The following RMDN2 variants were observed in gnomAD, a reference collection of about 807,000 sequenced individuals.
RMDN2 encodes the protein regulator of microtubule dynamics protein 2.
Under a neutral mutation model 52.8 loss-of-function variants are expected in RMDN2, and 61 were observed. The observed-to-expected ratio is 1.16, with a 90% CI of 0.94 to 1.43. The LOEUF (loss-of-function observed/expected upper bound fraction) is 1.43, where lower values mean the gene tolerates loss of function less well. Ranked by LOEUF, RMDN2 falls within the 40% of genes most tolerant of loss-of-function variation. RMDN2 has a pLI of 0.00. For missense variants in RMDN2, 592 were observed against 475.3 expected, an observed-to-expected ratio of 1.25 and a Z score of -2.28; for synonymous variants, 180 against 153.1, an observed-to-expected ratio of 1.18 and a Z score of -1.30.
At chr2:38,042,512 T>C (rs560880630) in intron 10 of RMDN2, among the ~76,000 whole-genome samples, 4 of 152,090 alleles carry the variant, frequency 2.6e-5, no homozygotes, top group East Asian at 1.9e-4. Context: ...GCAGTTTTGG[T>C]TTCTACTCTA....
intron 10 of RMDN2, among the ~76,000 whole-genome samples, chr2:38,062,768 TTC>T: frequency 1.2e-5 from 1 of 84,828 alleles, no homozygotes; most frequent in Admixed American, 1.2e-4. Context: ...CCCTCCCCCC[TTC>T]CCCCCCCCCA....
At chr2:38,003,600 A>ATAGATAGG (rs1311628817) in intron 8 of RMDN2, among the ~76,000 whole-genome samples, 3 of 150,750 alleles carry the variant, frequency 2.0e-5, no homozygotes, top group African/African-American at 7.3e-5. Flanking sequence ...AGATAGATAG[A>ATAGATAGG]TAGGCAGACA....
chr2:38,009,138 T>C (rs555126135), intron 10 of RMDN2, among the ~76,000 whole-genome samples: 19 of 152,368 alleles, frequency 1.2e-4, no homozygotes, highest in African/African-American at 4.6e-4. Context: ...GCCCTTAACA[T>C]TTTTTCCTTC....
At chr2:38,016,252 T>C (rs1678767208) in intron 10 of RMDN2, among the ~76,000 whole-genome samples, 1 of 152,232 alleles carries the variant, frequency 6.6e-6, no homozygotes, top group African/African-American at 2.4e-5. Context: ...CAGCCTGTTA[T>C]GTCCTCAGTA....
rs150027390 is a variant in RMDN2 at position 38,001,742 on chromosome 2, G to T, written c.1045-2249G>T. On this transcript the variant is annotated intron_variant, in intron 8 of 10. Transcript: ENST00000354545. The stretch of plus-strand genomic sequence containing the variant: ...GTTCAGTCTTAAGTCCCTCTTATTA[G>T]AATGGCTCAAGAAATGCACTTACCA... Among the ~76,000 whole-genome samples the T allele has an allele frequency of 4.3e-3, 655 of 152,302 alleles. 15 individuals carry two copies. Among genetic ancestry groups the T allele is most frequent in the African/African-American group, 0.015 (626 of 41,560 alleles).
intron 10 of RMDN2, among the ~76,000 whole-genome samples, chr2:38,044,904 A>G (rs542834420): frequency 7.2e-5 from 11 of 152,126 alleles, no homozygotes; most frequent in Non-Finnish European, 1.3e-4. Context: ...TCCTAGTATA[A>G]TAGGTTTGAT....
intron 2 of RMDN2, among the ~76,000 whole-genome samples, chr2:37,963,570 C>A (rs1558478937): frequency 1.3e-5 from 2 of 152,202 alleles, no homozygotes; most frequent in Non-Finnish European, 2.9e-5. Flanking sequence ...ACATCTTGCA[C>A]TGCCCTTAAT....
At chr2:38,035,103 G>T (rs1483197061) in intron 10 of RMDN2, among the ~76,000 whole-genome samples, 5 of 152,044 alleles carry the variant, frequency 3.3e-5, no homozygotes, top group Non-Finnish European at 1.5e-5. Context: ...AAACCTGAAA[G>T]AACGAACTAC....
chr2:37,967,660 ATTC>A (rs1258205965), intron 2 of RMDN2, among the ~76,000 whole-genome samples: 2 of 152,216 alleles, frequency 1.3e-5, no homozygotes, highest in Admixed American at 6.5e-5. Flanking sequence ...TCATCAGAGT[ATTC>A]TTCTCCACCA....
At chr2:37,934,753 T>A (rs757797212) in intron 2 of RMDN2, among the ~76,000 whole-genome samples, 1 of 152,158 alleles carries the variant, frequency 6.6e-6, no homozygotes, top group Non-Finnish European at 1.5e-5. Context: ...CTAGTTCACA[T>A]TGATGTTTTC....
chr2:37,952,378 G>A (rs1668945411), intron 2 of RMDN2: 1 of 592,302 alleles, frequency 1.7e-6, no homozygotes, highest in Admixed American at 3.2e-5. Flanking sequence ...AGTTTTGAAA[G>A]TTAGTTTACT....
In RMDN2 at chr2:38,044,001, T is replaced by C. The variant is rs566871628; in HGVS notation, c.1714-22981T>C. On this transcript the variant is annotated intron_variant, in intron 10 of 10. Transcript: ENST00000234195. The stretch of plus-strand genomic sequence containing the variant: ...CTGATCTATATCATTTTCCTTCTCT[T>C]TTAGAAATTTCTTTTAATATTTCTT... Among the ~76,000 whole-genome samples the C allele has an allele frequency of 2.6e-5, 4 of 152,200 alleles. No individual in the cohort carries two copies. In the South Asian group the frequency reaches 8.3e-4, roughly 32 times the overall value.
intron 10 of RMDN2, among the ~76,000 whole-genome samples, chr2:38,015,633 A>ATTCT: frequency 6.6e-6 from 1 of 152,346 alleles, no homozygotes; most frequent in African/African-American, 2.4e-5. Context: ...TTACTCAGAA[A>ATTCT]GAGTAGACTC....
chr2:37,940,128 T>G (rs1437658553), intron 2 of RMDN2, among the ~76,000 whole-genome samples: 1 of 152,212 alleles, frequency 6.6e-6, no homozygotes, highest in Non-Finnish European at 1.5e-5. Flanking sequence ...TTTTATTTCT[T>G]CTTCACTTGT....
At chr2:37,967,082 G>T (rs1370618878) in intron 2 of RMDN2, among the ~76,000 whole-genome samples, 1 of 152,066 alleles carries the variant, frequency 6.6e-6, no homozygotes, top group East Asian at 1.9e-4. Context: ...AAGGGATGAG[G>T]TGATGTTAAA....
chr2:38,044,156 A>C (rs1681128101), intron 10 of RMDN2, among the ~76,000 whole-genome samples: 3 of 152,042 alleles, frequency 2.0e-5, no homozygotes, highest in Non-Finnish European at 2.9e-5. Context: ...GGATAATTTC[A>C]CTGGATACAG....
intron 2 of RMDN2, among the ~76,000 whole-genome samples, chr2:37,963,635 C>T (rs987197317): frequency 1.1e-4 from 17 of 152,288 alleles, no homozygotes; most frequent in African/African-American, 4.1e-4. Flanking sequence ...GGGTTGGGGG[C>T]AAGGTCATAG....
intron 1 of RMDN2, among the ~76,000 whole-genome samples, chr2:37,926,965 C>G (rs1666332261): frequency 6.6e-6 from 1 of 152,028 alleles, no homozygotes; most frequent in Non-Finnish European, 1.5e-5. Context: ...CTTCATACAA[C>G]CTTTGAAATT....
At chr2:37,931,666 A>G (rs1428977475) in intron 2 of RMDN2, among the ~76,000 whole-genome samples, 1 of 152,268 alleles carries the variant, frequency 6.6e-6, no homozygotes, top group African/African-American at 2.4e-5. Context: ...TTCATTTAGG[A>G]CAAGTAAAAA....
Sources: gnomAD v4.1 joint callset for allele counts (sites outside exome capture counted in the v4.1 genomes callset) on GRCh38, gnomAD v4.1.1 for gene constraint, MANE v1.5 for transcripts, NCBI Gene and HGNC (gene_info 2026-07-23, HGNC 2026-07-21) for gene names.